The following BBOF1 variants were observed in gnomAD, a reference collection of about 807,000 sequenced individuals.
The protein encoded by BBOF1 is basal body orientation factor 1, also known as basal body-orientation factor 1.
A neutral mutation model predicts 68.0 loss-of-function variants in BBOF1; 62 were observed. The observed-to-expected ratio is 0.91, with a 90% confidence interval of 0.74 to 1.13. The LOEUF is 1.13. Among genes scored for constraint, BBOF1 ranks in the 50% most tolerant of loss-of-function variants. The pLI is 0.00. For missense variants in BBOF1, 534 were observed against 600.1 expected, an observed-to-expected ratio of 0.89 and a Z score of 1.15; for synonymous variants, 208 against 198.8, an observed-to-expected ratio of 1.05 and a Z score of -0.39.
At chr14:74,029,545 G>A (rs1358257215) in intron 3 of BBOF1, among the ~76,000 whole-genome samples, 10 of 152,098 alleles carry the variant, frequency 6.6e-5, no homozygotes, top group African/African-American at 2.4e-4. Context: ...AGCCAGGCAT[G>A]GTGGTGCATG....
At chr14:74,045,455 A>G (rs981990292) in intron 5 of BBOF1, among the ~76,000 whole-genome samples, 2 of 151,810 alleles carry the variant, frequency 1.3e-5, no homozygotes, top group African/African-American at 4.8e-5. Flanking sequence ...GATTACAGGC[A>G]TGTGCCACCA....
intron 2 of BBOF1, among the ~76,000 whole-genome samples, chr14:74,024,354 G>C (rs1198154432): frequency 1.3e-5 from 2 of 152,130 alleles, no homozygotes; most frequent in African/African-American, 4.8e-5. Context: ...TACTCGGGAG[G>C]CTAAGGCGGG....
In BBOF1 at chr14:74,048,140, A is replaced by C. The variant is rs2059991623; in HGVS notation, c.792+66A>C. ...TTAAGGATTGGGTTGGTAAATACCA[A>C]AAATTGGGTATAATAATGATATATA... On this transcript the variant is annotated intron_variant, in intron 7 of 11. Coordinates refer to ENST00000394009, the MANE Select transcript of BBOF1 (RefSeq NM_025057.3). 5 of 1,475,994 alleles carry C rather than the reference A, an allele frequency of 3.4e-6. No homozygotes were observed. The South Asian group carries it at 6.5e-5, about 19-fold the overall frequency. 91.4% of individuals were successfully genotyped at this position (1,475,994 alleles called of 1,614,324 possible). A position where few individuals can be genotyped will look rare whatever the true frequency, so the allele number is the denominator to read the frequency against.
At chr14:74,043,208 A>G (rs62005107) in intron 5 of BBOF1, among the ~76,000 whole-genome samples, 36,609 of 151,806 alleles carry the variant, frequency 0.24, 4,996 homozygotes, top group South Asian at 0.46. Context: ...ATTTCTTTCT[A>G]TTCTTTGAAT....
chr14:74,061,624 C>T (rs994608956), intron 11 of BBOF1, among the ~76,000 whole-genome samples: 2 of 152,132 alleles, frequency 1.3e-5, no homozygotes, highest in South Asian at 2.1e-4. Flanking sequence ...CTGTACCCAG[C>T]GGCCATTTCT....
chr14:74,027,751 A>C (rs1312727968), intron 2 of BBOF1, among the ~76,000 whole-genome samples: 2 of 152,030 alleles, frequency 1.3e-5, no homozygotes, highest in African/African-American at 4.8e-5. Context: ...AAAAACATAC[A>C]ACCTGAATCT....
chr14:74,040,902 C>G (rs993386407), intron 5 of BBOF1: 1 of 459,746 alleles, frequency 2.2e-6, no homozygotes, highest in African/African-American at 2.0e-5. Context: ...GCTTGATACT[C>G]CCCTGGTGAG....
intron 11 of BBOF1, among the ~76,000 whole-genome samples, chr14:74,061,303 A>ATTTATT (rs1273583643): frequency 1.4e-5 from 2 of 143,066 alleles, no homozygotes; most frequent in Non-Finnish European, 3.1e-5. Context: ...CCATTTATTT[A>ATTTATT]TTTATTTATT....
At chr14:74,071,757 A>G (rs2060552356) in intron 9 of BBOF1, 1 of 1,448,410 alleles carries the variant, frequency 6.9e-7, no homozygotes, top group Admixed American at 1.8e-5. Context: ...GAATACTGCC[A>G]TTTTTCACAA....
intron 9 of BBOF1, among the ~76,000 whole-genome samples, chr14:74,073,005 G>A (rs759030868): frequency 1.3e-5 from 2 of 152,112 alleles, no homozygotes; most frequent in Non-Finnish European, 2.9e-5. Context: ...TCACCATGTC[G>A]GCCAGACTGA....
At chr14:74,047,407 C>CTTTATTTATTTATTTATTTATTTA (rs61067400) in intron 6 of BBOF1, among the ~76,000 whole-genome samples, 4 of 145,544 alleles carry the variant, frequency 2.7e-5, no homozygotes, top group African/African-American at 7.7e-5. Context: ...TCCTTTTTCA[C>CTTTATTTATTTATTTATTTATTTA]TTTATTTATT....
At chr14:74,062,524 C>A (rs1197817936) in intron 11 of BBOF1, among the ~76,000 whole-genome samples, 1 of 151,902 alleles carries the variant, frequency 6.6e-6, no homozygotes, top group Non-Finnish European at 1.5e-5. Flanking sequence ...TTGCTTGAAC[C>A]CTGGAGGCTG....
intron 8 of BBOF1, among the ~76,000 whole-genome samples, chr14:74,052,426 C>T (rs1037614318): frequency 6.6e-6 from 1 of 151,604 alleles, no homozygotes. Context: ...ACAGGTGGAT[C>T]AAGAGGTCAG....
intron 8 of BBOF1, 36 bp from the exon 9 acceptor site, chr14:74,055,548 T>C (rs752563099): frequency 2.1e-5 from 30 of 1,401,320 alleles, no homozygotes; most frequent in Non-Finnish European, 3.0e-5. Context: ...GACCGTATTT[T>C]TCCTTTTCAC....
At chr14:74,050,911 C>A (rs2060052775) in intron 8 of BBOF1, among the ~76,000 whole-genome samples, 1 of 152,020 alleles carries the variant, frequency 6.6e-6, no homozygotes, top group East Asian at 1.9e-4. Flanking sequence ...GAGTTCAAGA[C>A]CAGCCTGGCC....
intron 5 of BBOF1, 50 bp from the exon 6 acceptor site, chr14:74,046,010 A>C: frequency 1.3e-6 from 2 of 1,505,544 alleles, no homozygotes; most frequent in Middle Eastern, 1.7e-4. Flanking sequence ...TGATGAGTAA[A>C]ATTTGTTGTT....
intron 1 of BBOF1, among the ~76,000 whole-genome samples, chr14:74,021,196 A>C (rs749858027): frequency 6.6e-6 from 1 of 152,166 alleles, no homozygotes; most frequent in Non-Finnish European, 1.5e-5. Flanking sequence ...ATGCTTATAC[A>C]ATAAATATTT....
intron 11 of BBOF1, among the ~76,000 whole-genome samples, chr14:74,060,899 G>A (rs928891417): frequency 6.6e-6 from 1 of 151,966 alleles, no homozygotes; most frequent in African/African-American, 2.4e-5. Flanking sequence ...TAAGATAATT[G>A]ATCTAAAACA....
intron 5 of BBOF1, 179 bp downstream of exon 5, chr14:74,040,824 G>T (rs1260605607): frequency 3.7e-6 from 2 of 538,980 alleles, no homozygotes; most frequent in Non-Finnish European, 6.5e-6. Context: ...TCAATATCTA[G>T]TCCTTGTTTT....
Sources: gnomAD v4.1 joint callset for allele counts (sites outside exome capture counted in the v4.1 genomes callset) on GRCh38, gnomAD v4.1.1 for gene constraint, MANE v1.5 for transcripts, NCBI Gene and HGNC (gene_info 2026-07-23, HGNC 2026-07-21) for gene names.